RAB18: variants seen among roughly 807,000 people sequenced by gnomAD.
RAB18 encodes the protein ras-related protein Rab-18.
A neutral mutation model predicts 28.5 loss-of-function variants in RAB18; 10 were observed. That is an observed-to-expected ratio of 0.35 (90% CI 0.22 to 0.60). RAB18 has a LOEUF of 0.60. Ranked by LOEUF, RAB18 falls within the 20% of genes least tolerant of loss-of-function variation. The pLI is 0.78. For missense variants in RAB18, 188 were observed against 244.2 expected (o/e 0.77, Z 1.53); for synonymous variants, 93 against 86.9 (o/e 1.07, Z -0.39).
chr10:27,529,722 T>C (rs199677921), intron 3 of RAB18, among the ~76,000 whole-genome samples: 1 of 152,000 alleles, frequency 6.6e-6, no homozygotes, highest in East Asian at 1.9e-4. Context: ...TTATTATACC[T>C]ACCACATATT....
At chr10:27,506,349 T>A (rs1281570829) in intron 1 of RAB18, among the ~76,000 whole-genome samples, 1 of 151,868 alleles carries the variant, frequency 6.6e-6, no homozygotes, top group Admixed American at 6.6e-5. Flanking sequence ...TGAGACAGGG[T>A]CTTATTCTGT....
chr10:27,532,716 A>C (rs985491407), intron 4 of RAB18, 137 bp downstream of exon 4: 1 of 653,046 alleles, frequency 1.5e-6, no homozygotes, highest in African/African-American at 1.8e-5. Flanking sequence ...TATTAACTTC[A>C]TGTAATATTA....
chr10:27,534,265 A>G (rs1008877295), intron 6 of RAB18, among the ~76,000 whole-genome samples: 2 of 152,242 alleles, frequency 1.3e-5, no homozygotes, highest in African/African-American at 4.8e-5. Context: ...ACCCAGTGCT[A>G]AAGTTATGCC....
At chr10:27,520,650 C>T (rs1024635249) in intron 2 of RAB18, among the ~76,000 whole-genome samples, 1 of 151,964 alleles carries the variant, frequency 6.6e-6, no homozygotes, top group African/African-American at 2.4e-5. Context: ...GGCATGGTGG[C>T]TCATGCCTGT....
chr10:27,523,265 C>CTTTTTTTTTTTTT (rs34006982), intron 2 of RAB18, among the ~76,000 whole-genome samples: 1 of 79,544 alleles, frequency 1.3e-5, no homozygotes, highest in African/African-American at 5.0e-5. Context: ...TTTTCTTCTT[C>CTTTTTTTTTTTTT]TTTTTTTTTT....
At position 27,539,024 on chromosome 10, in the gene RAB18, GA is replaced by G; in HGVS notation, c.*978del. On this transcript the variant is annotated 3_prime_UTR_variant, in exon 7 of 7. Coordinates refer to ENST00000356940, the MANE Select transcript of RAB18 (RefSeq NM_021252.5). ...GAAAAAAAACACTAAGTGATAATTT[GA>G]AAAAGGCATATTGCTTCCAGATTCT... The G allele has an allele frequency of 2.3e-6, 1 of 426,396 alleles. No individual in the cohort carries two copies. The highest frequency in any genetic ancestry group is 4.7e-6 in the Non-Finnish European group (1 of 212,218). 26.4% of individuals were successfully genotyped at this position (426,396 alleles called of 1,614,324 possible).
intron 3 of RAB18, among the ~76,000 whole-genome samples, chr10:27,529,580 G>T (rs1834747381): frequency 6.6e-6 from 1 of 151,836 alleles, no homozygotes; most frequent in South Asian, 2.1e-4. Flanking sequence ...CTATTATTAA[G>T]CCTTTCTAGA....
chr10:27,523,265 CTTTTTT>C (rs34006982), intron 2 of RAB18, among the ~76,000 whole-genome samples: 1,303 of 79,508 alleles, frequency 0.016, 12 homozygotes, highest in African/African-American at 0.054. Flanking sequence ...TTTTCTTCTT[CTTTTTT>C]TTTTTTTTTT....
At chr10:27,537,580 C>CT (rs1323382465) in intron 6 of RAB18, among the ~76,000 whole-genome samples, 1 of 152,184 alleles carries the variant, frequency 6.6e-6, no homozygotes, top group African/African-American at 2.4e-5. Context: ...AAGGAAAAAA[C>CT]TTTCGCTCGC....
chr10:27,540,358 A>T lies in RAB18; in HGVS notation c.*2307A>T. 1 of 454,096 alleles carries T rather than the reference A, an allele frequency of 2.2e-6. No individual in the cohort carries two copies. The highest frequency in any genetic ancestry group is 4.4e-6 in the Non-Finnish European group (1 of 226,770). 28.1% of individuals were successfully genotyped at this position (454,096 alleles called of 1,614,324 possible). A position where few individuals can be genotyped will look rare whatever the true frequency, so the allele number is the denominator to read the frequency against. Reference sequence around the variant, plus strand: ...CTACTCAGTCACTGAGCTGGATTCCAGTCATGGCATTTTTACTTCTGAGCC... The same window carrying T: ...CTACTCAGTCACTGAGCTGGATTCCTGTCATGGCATTTTTACTTCTGAGCC... On this transcript the variant is annotated 3_prime_UTR_variant, in exon 7 of 7. Transcript: ENST00000356940.
At position 27,539,681 on chromosome 10, in the gene RAB18, A is replaced by G. The variant is rs1834982036; in HGVS notation, c.*1630A>G. 1.1e-5 allele frequency: 5 copies of G among 453,540 alleles called. No individual in the cohort carries two copies. Among genetic ancestry groups the G allele is most frequent in the Non-Finnish European group, 2.2e-5 (5 of 226,586 alleles). 28.1% of individuals were successfully genotyped at this position (453,540 alleles called of 1,614,324 possible). On this transcript the variant is annotated 3_prime_UTR_variant, in exon 7 of 7. Transcript: ENST00000356940. ...TTGTTTTTTGCTCCTTGAGCTATAT[A>G]ATAATCTGTGTATTGGATTGTTGTC...
intron 3 of RAB18, among the ~76,000 whole-genome samples, chr10:27,532,065 A>T (rs1834799273): frequency 6.6e-6 from 1 of 151,868 alleles, no homozygotes; most frequent in Admixed American, 6.6e-5. Flanking sequence ...ACATCCCATA[A>T]TTTTCTTCAA....
intron 2 of RAB18, among the ~76,000 whole-genome samples, chr10:27,523,845 C>T (rs921512465): frequency 1.3e-5 from 2 of 151,798 alleles, no homozygotes; most frequent in East Asian, 1.9e-4. Context: ...TTTGGGAGGC[C>T]GAGGCGGGCG....
In RAB18 at chr10:27,526,687, C is replaced by A. The variant is rs998086757; in HGVS notation, c.125-141C>A. 8 of 965,970 alleles carry A rather than the reference C, an allele frequency of 8.3e-6. No individual in the cohort carries two copies. The African/African-American group carries it at 1.2e-4, about 14-fold the overall frequency. 59.8% of individuals were successfully genotyped at this position (965,970 alleles called of 1,614,324 possible). On this transcript the variant is annotated intron_variant, in intron 2 of 6. Coordinates refer to ENST00000356940, the MANE Select transcript of RAB18 (RefSeq NM_021252.5). ...CCTGGATTTTAATGACACTTTTTAT[C>A]TCCACATCCAGAATTCTAAGAAGTT...
chr10:27,529,566 A>T (rs1341737519), intron 3 of RAB18, among the ~76,000 whole-genome samples: 4 of 151,756 alleles, frequency 2.6e-5, no homozygotes. Flanking sequence ...TTCACTCCCT[A>T]CATCTATTAT....
chr10:27,528,189 T>C (rs1356589583), intron 3 of RAB18: 2 of 400,990 alleles, frequency 5.0e-6, no homozygotes, highest in Non-Finnish European at 9.7e-6. Context: ...CTGGTTGCAG[T>C]GAGATTTTTC....
At chr10:27,519,148 TA>T (rs146636226) in intron 2 of RAB18, among the ~76,000 whole-genome samples, 26 of 148,444 alleles carry the variant, frequency 1.8e-4, no homozygotes, top group Admixed American at 6.7e-4. Context: ...GGTTTAACAT[TA>T]AAAAAAAAAT....
chr10:27,518,011 C>T (rs1834472465), intron 2 of RAB18, among the ~76,000 whole-genome samples: 1 of 151,718 alleles, frequency 6.6e-6, no homozygotes, highest in Non-Finnish European at 1.5e-5. Context: ...TCTGAGACTG[C>T]TTTCACTTAG....
intron 2 of RAB18, among the ~76,000 whole-genome samples, chr10:27,510,961 C>T (rs2138973454): frequency 6.6e-6 from 1 of 152,152 alleles, no homozygotes; most frequent in South Asian, 2.1e-4. Context: ...ATCATTCTCT[C>T]TCTACACACA....
Sources: allele counts gnomAD v4.1 joint callset (sites outside exome capture counted in the v4.1 genomes callset), GRCh38; gene constraint gnomAD v4.1.1; transcripts MANE v1.5; gene names NCBI Gene and HGNC (gene_info 2026-07-23, HGNC 2026-07-21).